The following RCN3 variants were observed in gnomAD, a reference collection of about 807,000 sequenced individuals.
RCN3 encodes reticulocalbin-3.
Under a neutral mutation model 35.9 loss-of-function variants are expected in RCN3, and 41 were observed. The ratio of observed to expected loss-of-function variants is 1.14; its 90% CI spans 0.89 to 1.48. The LOEUF (loss-of-function observed/expected upper bound fraction) is 1.48, where lower values mean the gene tolerates loss of function less well. Ranked by LOEUF, RCN3 falls within the 40% of genes most tolerant of loss-of-function variation. The pLI is 0.00. For missense variants in RCN3, 451 were observed against 471.3 expected (o/e 0.96, Z 0.40); for synonymous variants, 187 against 193.4 (o/e 0.97, Z 0.27).
chr19:49,535,887 T>C (rs977887522), intron 3 of RCN3, among the ~76,000 whole-genome samples: 8 of 148,294 alleles, frequency 5.4e-5, no homozygotes, highest in Non-Finnish European at 3.0e-5. Flanking sequence ...GATAGATAGA[T>C]AGATAGATAG....
intron 2 of RCN3, among the ~76,000 whole-genome samples, chr19:49,531,508 T>G (rs2080108013): frequency 6.6e-6 from 1 of 152,132 alleles, no homozygotes; most frequent in Non-Finnish European, 1.5e-5. Context: ...TGAGCTGACT[T>G]AGGTTTTGAG....
chr19:49,537,965 A>G (rs1318094680), intron 4 of RCN3, among the ~76,000 whole-genome samples: 2 of 149,172 alleles, frequency 1.3e-5, no homozygotes, highest in East Asian at 4.1e-4. Flanking sequence ...TCTATAGAAG[A>G]AGGCTTTTTT....
At position 49,536,886 on chromosome 19, in the gene RCN3, G is replaced by A. The variant is rs934981151; in HGVS notation, c.446-147G>A. ...CTCCCAAAGTGCTGCTATTACAGGC[G>A]TGAGCCACTGCATCCAGCCTACTGA... is the stretch of plus-strand genomic sequence containing the variant. On this transcript the variant is annotated intron_variant, in intron 3 of 6. Coordinates refer to ENST00000270645, the MANE Select transcript of RCN3 (RefSeq NM_020650.3). 1.7e-5 allele frequency: 11 copies of A among 654,574 alleles called. No homozygotes were observed. In the Middle Eastern group the frequency reaches 1.1e-3, roughly 63 times the overall value. 40.5% of individuals were successfully genotyped at this position (654,574 alleles called of 1,614,324 possible).
intron 2 of RCN3, among the ~76,000 whole-genome samples, chr19:49,529,268 T>G (rs2080097008): frequency 6.6e-6 from 1 of 152,190 alleles, no homozygotes; most frequent in Non-Finnish European, 1.5e-5. Flanking sequence ...CTTATTCTTT[T>G]GTCCCAGACA....
chr19:49,529,403 A>G (rs1000248030), intron 2 of RCN3, among the ~76,000 whole-genome samples: 1 of 152,152 alleles, frequency 6.6e-6, no homozygotes, highest in African/African-American at 2.4e-5. Flanking sequence ...TTTCAGGGTG[A>G]GCTGGGTGGA....
At chr19:49,540,969 C>T (rs375109152) in intron 5 of RCN3, among the ~76,000 whole-genome samples, 35 of 149,964 alleles carry the variant, frequency 2.3e-4, no homozygotes, top group African/African-American at 8.1e-4. Flanking sequence ...TCGCTATTGT[C>T]GCCCAGGCTG....
Position 49,537,227 on chromosome 19 carries a change from C to G in RCN3, c.618+22C>G, listed in dbSNP as rs1320287997. The G allele has an allele frequency of 4.7e-6, 7 of 1,482,178 alleles. No individual in the cohort carries two copies. The South Asian group carries it at 9.4e-5, about 20-fold the overall frequency. 91.8% of individuals were successfully genotyped at this position (1,482,178 alleles called of 1,614,324 possible). ...TGCTGTGAGTGGCGGCTGGGGAACC[C>G]TGTCCCCCACACCCTTCCGGGGACC... On this transcript the variant is annotated intron_variant, in intron 4 of 6. Coordinates refer to ENST00000270645, the MANE Select transcript of RCN3 (RefSeq NM_020650.3).
chr19:49,539,491 G>C (rs527535721), intron 5 of RCN3, among the ~76,000 whole-genome samples: 2 of 148,556 alleles, frequency 1.3e-5, no homozygotes, highest in South Asian at 4.1e-4. Flanking sequence ...CTTCTTGGGG[G>C]TCTGGAGTTT....
At chr19:49,533,612 CAGCCGGG>C (rs1274524908) in intron 2 of RCN3, among the ~76,000 whole-genome samples, 2 of 151,804 alleles carry the variant, frequency 1.3e-5, no homozygotes, top group African/African-American at 4.8e-5. Flanking sequence ...GTGCCTGATT[CAGCCGGG>C]AGCAGGCAGG....
chr19:49,538,976 G>T (rs2080150023), intron 4 of RCN3, 143 bp from the exon 5 acceptor site: 2 of 568,588 alleles, frequency 3.5e-6, no homozygotes, highest in African/African-American at 3.8e-5. Context: ...CATGCCACCT[G>T]TTGAGACTGC....
At chr19:49,536,056 G>A (rs1448579252) in intron 3 of RCN3, among the ~76,000 whole-genome samples, 9 of 146,614 alleles carry the variant, frequency 6.1e-5, no homozygotes, top group Non-Finnish European at 9.0e-5. Context: ...GCGTGGTCTC[G>A]GCTCACTGCA....
chr19:49,540,175 G>C (rs899175930), intron 5 of RCN3, among the ~76,000 whole-genome samples: 14 of 151,236 alleles, frequency 9.3e-5, no homozygotes, highest in South Asian at 2.1e-4. Context: ...GTGTGTGTGT[G>C]TCTCTCTCTT....
chr19:49,534,353 T>C lies in RCN3; in HGVS notation c.403T>C (p.Trp135Arg). The C allele has an allele frequency of 1.3e-6, 2 of 1,534,548 alleles. No individual in the cohort carries two copies. ...YDTDRDGRVGWEELRNATYGH... is the reference protein window; with the variant it reads ...YDTDRDGRVGREELRNATYGH... The stretch of plus-strand genomic sequence containing the variant: ...CACGGACCGCGACGGGCGTGTGGGT[T>C]GGGAGGAGCTGCGCAACGCCACCTA... Residue 135 changes from tryptophan (W) to arginine (R), a missense_variant, in exon 3 of 7, where the codon TGG (tryptophan) becomes CGG (arginine). Transcript: ENST00000270645.
At chr19:49,532,568 T>A (rs1296624381) in intron 2 of RCN3, among the ~76,000 whole-genome samples, 1 of 152,072 alleles carries the variant, frequency 6.6e-6, no homozygotes, top group Non-Finnish European at 1.5e-5. Context: ...TAGAGACGGT[T>A]TCACCATGTT....
In RCN3 at chr19:49,543,252, T is replaced by G. The variant is rs771715837; in HGVS notation, c.*39T>G. On this transcript the variant is annotated 3_prime_UTR_variant, in exon 7 of 7. Transcript: ENST00000270645. ...GCCACAGCCTCAGAGGCCCGCACAA[T>G]GACCGGAGGAGGGGCCGCTGTGGTC... The G allele has an allele frequency of 2.0e-6, 3 of 1,536,872 alleles. No homozygotes were observed. The highest frequency in any genetic ancestry group is 1.8e-6 in the Non-Finnish European group (2 of 1,114,500).
rs181387041 is a variant in RCN3, at chr19:49,529,487, T to G, written c.242+773T>G. 5.9e-5 allele frequency among the ~76,000 whole-genome samples: 9 copies of G among 152,310 alleles called. No homozygotes were observed. The East Asian group carries it at 1.7e-3, about 29-fold the overall frequency. ...CGATGGGAGCAGCCGCCTTCTTCTG[T>G]GCATCCTCCTGACACTGATTGAGCC... is the stretch of plus-strand genomic sequence containing the variant. On this transcript the variant is annotated intron_variant, in intron 2 of 6. Transcript: ENST00000270645.
intron 1 of RCN3, 181 bp downstream of exon 1, chr19:49,528,239 A>AC (rs1449276296): frequency 1.5e-5 from 7 of 459,102 alleles, no homozygotes; most frequent in Non-Finnish European, 2.7e-5. Flanking sequence ...CAGGTCTGGG[A>AC]CCCCCCTGAG....
intron 4 of RCN3, among the ~76,000 whole-genome samples, 185 bp downstream of exon 4, chr19:49,537,390 T>C (rs557285969): frequency 4.6e-5 from 7 of 152,240 alleles, no homozygotes; most frequent in African/African-American, 1.4e-4. Flanking sequence ...CCACTCTCAG[T>C]CCCCTGGGGT....
chr19:49,543,091 T>A lies in RCN3; in HGVS notation c.880-15T>A, dbSNP rs1322235062. 1 of 1,610,442 alleles carries A rather than the reference T, an allele frequency of 6.2e-7. No individual in the cohort carries two copies. Among genetic ancestry groups the A allele is most frequent in the South Asian group, 1.1e-5 (1 of 91,006 alleles). Reference sequence around the variant, plus strand: ...GGGCCGTGTTGTCCCCTCTGAACCCTGACCCTCCCTCCAGGATGGGCGGCT... The same window carrying A: ...GGGCCGTGTTGTCCCCTCTGAACCCAGACCCTCCCTCCAGGATGGGCGGCT... On this transcript the variant is annotated splice_polypyrimidine_tract_variant and intron_variant, in intron 6 of 6. Transcript: ENST00000270645.
Sources: gnomAD v4.1 joint callset for allele counts (sites outside exome capture counted in the v4.1 genomes callset) on GRCh38, gnomAD v4.1.1 for gene constraint, MANE v1.5 for transcripts, NCBI Gene and HGNC (gene_info 2026-07-23, HGNC 2026-07-21) for gene names.